The following CPVL variants were observed in gnomAD, a reference collection of about 807,000 sequenced individuals.
CPVL encodes the protein probable serine carboxypeptidase CPVL.
CPVL carries 51 observed loss-of-function variants against 63.7 expected under a neutral mutation model. That is an observed-to-expected ratio of 0.80 (90% CI 0.64 to 1.01). The LOEUF is 1.01. CPVL is among the 50% of genes least tolerant of loss of function. The probability of loss-of-function intolerance (pLI) is 0.00; values close to 1 mark genes in which losing one functional copy is unlikely to be tolerated. For synonymous variants in CPVL, 195 were observed against 206.0 expected (o/e 0.95, Z 0.46); for missense variants, 530 against 573.1 (o/e 0.92, Z 0.77).
chr7:29,129,920 T>G (rs1790510143), intron 1 of CPVL, among the ~76,000 whole-genome samples: 1 of 152,112 alleles, frequency 6.6e-6, no homozygotes, highest in African/African-American at 2.4e-5. Context: ...AGGCAGACAC[T>G]AAGTGATGTA....
chr7:29,007,631 T>C (rs1785325525), intron 12 of CPVL, among the ~76,000 whole-genome samples: 1 of 152,140 alleles, frequency 6.6e-6, no homozygotes, highest in African/African-American at 2.4e-5. Flanking sequence ...TAGTCTTTAG[T>C]TTGAAGGGAA....
chr7:29,188,866 C>T (rs573317373), intron 1 of CPVL, among the ~76,000 whole-genome samples: 3 of 151,988 alleles, frequency 2.0e-5, no homozygotes, highest in African/African-American at 7.2e-5. Flanking sequence ...AAATTTGTCC[C>T]AGTTGAAATG....
At chr7:29,181,191 C>T (rs931741010) in intron 5 of CPVL, 2 of 152,074 alleles carry the variant, frequency 1.3e-5, no homozygotes, top group Admixed American at 6.5e-5. Context: ...ACAATTTTTC[C>T]AGAAGGCAGC....
At chr7:29,098,979 C>T (rs1342126291) in intron 3 of CPVL, among the ~76,000 whole-genome samples, 1 of 152,096 alleles carries the variant, frequency 6.6e-6, no homozygotes, top group African/African-American at 2.4e-5. Context: ...GCAGGAGAAT[C>T]GCTTGAACCC....
At chr7:29,006,968 T>C (rs1373258162) in intron 12 of CPVL, among the ~76,000 whole-genome samples, 2 of 152,210 alleles carry the variant, frequency 1.3e-5, no homozygotes, top group Non-Finnish European at 2.9e-5. Context: ...TTGGTTACAC[T>C]TCAAATTAAA....
chr7:29,169,816 T>A (rs1356222042), intron 5 of CPVL, among the ~76,000 whole-genome samples: 1 of 151,672 alleles, frequency 6.6e-6, no homozygotes, highest in Non-Finnish European at 1.5e-5. Flanking sequence ...CTGGCAGGGA[T>A]AAGATGTATA....
chr7:29,141,280 G>A (rs896251022), intron 1 of CPVL, among the ~76,000 whole-genome samples: 3 of 152,220 alleles, frequency 2.0e-5, no homozygotes, highest in Non-Finnish European at 2.9e-5. Flanking sequence ...GACCGGGCAC[G>A]GTGGCTGATG....
intron 3 of CPVL, chr7:29,185,475 C>T (rs1798596085): frequency 6.6e-6 from 1 of 152,184 alleles, no homozygotes. Context: ...TGACCAGAGA[C>T]AATCCCGGCA....
rs570096452 is a variant in CPVL, at chr7:29,195,025, C to A, written c.-448+52G>T. 4.4e-6 allele frequency: 7 copies of A among 1,577,342 alleles called. No homozygotes were observed. The East Asian group carries it at 1.2e-4, about 27-fold the overall frequency. On this transcript the variant is annotated intron_variant, in intron 1 of 16. Coordinates refer to the CPVL transcript ENST00000409850. The stretch of plus-strand genomic sequence containing the variant: ...AGCCCGTCGGGCGCTGCTGCCGCGC[C>A]GGGTCTCGCCCCACTGCCCTCGCCC...
intron 11 of CPVL, among the ~76,000 whole-genome samples, chr7:29,042,939 T>A (rs951443898): frequency 1.1e-4 from 17 of 152,228 alleles, no homozygotes; most frequent in Admixed American, 5.2e-4. Flanking sequence ...CCTCCTTGGA[T>A]TCTGGCTGAC....
chr7:29,133,880 A>T (rs1790939499), intron 1 of CPVL, among the ~76,000 whole-genome samples: 1 of 152,206 alleles, frequency 6.6e-6, no homozygotes, highest in South Asian at 2.1e-4. Context: ...AAAGGGTCAA[A>T]AATGGTAAGT....
intron 9 of CPVL, among the ~76,000 whole-genome samples, chr7:29,071,203 A>G (rs1783702494): frequency 6.6e-6 from 1 of 152,222 alleles, no homozygotes; most frequent in African/African-American, 2.4e-5. Context: ...TGAAGAACGT[A>G]ATTATTGATT....
chr7:29,072,036 T>A, intron 8 of CPVL, 132 bp from the exon 9 acceptor site: 1 of 1,075,536 alleles, frequency 9.3e-7, no homozygotes, highest in Non-Finnish European at 1.4e-6. Flanking sequence ...GATAATTACA[T>A]GCACACACAC....
chr7:29,131,736 C>T (rs1048003678), intron 1 of CPVL, among the ~76,000 whole-genome samples: 2 of 152,192 alleles, frequency 1.3e-5, no homozygotes, highest in African/African-American at 4.8e-5. Context: ...TGGTCTCGAG[C>T]TCCTGGGCTC....
intron 12 of CPVL, among the ~76,000 whole-genome samples, chr7:28,999,110 G>A (rs1784363448): frequency 6.6e-6 from 1 of 152,048 alleles, no homozygotes; most frequent in South Asian, 2.1e-4. Flanking sequence ...TACTGGGGAG[G>A]CTGAAGCAGG....
intron 4 of CPVL, chr7:29,184,412 T>C (rs1227830628): frequency 3.3e-5 from 5 of 152,118 alleles, no homozygotes; most frequent in Non-Finnish European, 7.4e-5. Context: ...GTATATGCAA[T>C]TGGCTCACTG....
At chr7:29,147,449 T>C (rs755959645), upstream of CPVL, 5 of 158,284 alleles carry the variant, frequency 3.2e-5, no homozygotes, top group Non-Finnish European at 5.6e-5. Flanking sequence ...CAGTTTCGCG[T>C]AGTTTGTTAT....
At chr7:29,044,048 C>T (rs1562738306) in intron 11 of CPVL, among the ~76,000 whole-genome samples, 1 of 152,106 alleles carries the variant, frequency 6.6e-6, no homozygotes, top group African/African-American at 2.4e-5. Flanking sequence ...ATTGGCTTTC[C>T]ATTCTGGCTC....
intron 5 of CPVL, among the ~76,000 whole-genome samples, chr7:29,165,799 A>G (rs888052777): frequency 6.6e-6 from 1 of 152,134 alleles, no homozygotes; most frequent in Non-Finnish European, 1.5e-5. Context: ...TGAGGTGACC[A>G]TATGGTGTTT....
Sources: allele counts gnomAD v4.1 joint callset (sites outside exome capture counted in the v4.1 genomes callset), GRCh38; gene constraint gnomAD v4.1.1; transcripts MANE v1.5; gene names NCBI Gene and HGNC (gene_info 2026-07-23, HGNC 2026-07-21).